MED12L: variants seen among roughly 807,000 people sequenced by gnomAD.
MED12L encodes the protein mediator of RNA polymerase II transcription subunit 12-like protein.
Under a neutral mutation model 281.3 loss-of-function variants are expected in MED12L, and 60 were observed. The ratio of observed to expected loss-of-function variants is 0.21; its 90% CI spans 0.17 to 0.26. The LOEUF (loss-of-function observed/expected upper bound fraction) is 0.26, where lower values mean the gene tolerates loss of function less well. MED12L is among the 10% of genes least tolerant of loss of function. The probability of loss-of-function intolerance (pLI) is 1.00; values close to 1 mark genes in which losing one functional copy is unlikely to be tolerated. For synonymous variants in MED12L, 974 were observed against 987.2 expected, an observed-to-expected ratio of 0.99 and a Z score of 0.25; for missense variants, 2,146 against 2,680.9, an observed-to-expected ratio of 0.80 and a Z score of 4.41.
chr3:151,141,570 T>C (rs139332999), intron 5 of MED12L, among the ~76,000 whole-genome samples: 45 of 152,254 alleles, frequency 3.0e-4, no homozygotes, highest in African/African-American at 1.0e-3. Context: ...ATATAGGAAA[T>C]AATGGATCGA....
At chr3:151,411,202 GCC>G in intron 40 of MED12L, 74 bp from the exon 41 acceptor site, 2 of 1,289,178 alleles carry the variant, frequency 1.6e-6, no homozygotes, top group South Asian at 2.5e-5. Flanking sequence ...GTTTGTTTTT[GCC>G]CCATATATCG....
chr3:151,241,148 T>C (rs1733993609), intron 16 of MED12L, among the ~76,000 whole-genome samples: 1 of 152,318 alleles, frequency 6.6e-6, no homozygotes, highest in East Asian at 1.9e-4. Flanking sequence ...ATGTAAAATA[T>C]CATTAGTGGT....
intron 42 of MED12L, 31 bp from the exon 43 acceptor site, chr3:151,416,276 CCTTTT>C (rs1409915801): frequency 2.5e-6 from 4 of 1,612,292 alleles, no homozygotes; most frequent in Non-Finnish European, 3.4e-6. Context: ...TTTTCTTCTT[CCTTTT>C]AAGTGTATAA....
chr3:151,369,028 TG>T, intron 25 of MED12L, among the ~76,000 whole-genome samples: 1 of 152,182 alleles, frequency 6.6e-6, no homozygotes. Context: ...CCCAAAGTGC[TG>T]GGATTACAGG....
intron 2 of MED12L, among the ~76,000 whole-genome samples, chr3:151,106,282 CT>C: frequency 1.5e-5 from 1 of 64,836 alleles, no homozygotes; most frequent in Non-Finnish European, 2.6e-5. Context: ...TTTCCCTTTC[CT>C]TTTCCTTTTC....
chr3:151,134,224 A>C (rs1176130904), intron 5 of MED12L, among the ~76,000 whole-genome samples: 1 of 148,384 alleles, frequency 6.7e-6, no homozygotes, highest in Non-Finnish European at 1.5e-5. Context: ...GAAAATGGTC[A>C]GTCCCTCACC....
At chr3:151,372,470 A>G (rs1756312249) in intron 26 of MED12L, 97 bp from the exon 27 acceptor site, 2 of 843,718 alleles carry the variant, frequency 2.4e-6, no homozygotes, top group Admixed American at 1.9e-5. Context: ...TACTGTTCAT[A>G]TATTTTAAAT....
At chr3:151,312,942 ACTTGAG>A (rs1208061011) in intron 16 of MED12L, among the ~76,000 whole-genome samples, 1 of 152,218 alleles carries the variant, frequency 6.6e-6, no homozygotes, top group Non-Finnish European at 1.5e-5. Context: ...TTGACATGCT[ACTTGAG>A]TGGGTAGTAA....
intron 21 of MED12L, among the ~76,000 whole-genome samples, chr3:151,361,703 G>A (rs1455810253): frequency 2.6e-5 from 4 of 152,120 alleles, no homozygotes; most frequent in Non-Finnish European, 4.4e-5. Context: ...TACTGTAAGT[G>A]TGAGAGACAA....
intron 25 of MED12L, among the ~76,000 whole-genome samples, chr3:151,368,761 T>TTTCATGTCATTTCA (rs1755798182): frequency 3.9e-5 from 5 of 126,862 alleles, no homozygotes; most frequent in Non-Finnish European, 8.3e-5. Context: ...TGTCATTTCA[T>TTTCATGTCATTTCA]TTTTTTTTTT....
chr3:151,293,975 G>T (rs2149686916), intron 16 of MED12L: 1 of 465,712 alleles, frequency 2.1e-6, no homozygotes, highest in Non-Finnish European at 3.8e-6. Flanking sequence ...CATTAACCCT[G>T]CCATTCACCC....
intron 16 of MED12L, among the ~76,000 whole-genome samples, chr3:151,334,865 A>G (rs1172390656): frequency 6.6e-6 from 1 of 152,196 alleles, no homozygotes; most frequent in Non-Finnish European, 1.5e-5. Context: ...CATGCAGTCT[A>G]CATCACAGCA....
chr3:151,256,069 G>A (rs1453863779), intron 16 of MED12L, among the ~76,000 whole-genome samples: 2 of 152,190 alleles, frequency 1.3e-5, no homozygotes, highest in Admixed American at 1.3e-4. Flanking sequence ...ACATATGCTA[G>A]ATAGAAATAC....
rs558418143 is a variant in MED12L at position 151,352,642 on chromosome 3, A to G, written c.2398+2436A>G. ...ATGAAAATAATATTTTGAGGAACCA[A>G]CTCATTTAGGAGTGTTGTCAGATCA... On this transcript the variant is annotated intron_variant, in intron 17 of 44. Transcript: ENST00000687756. Among the ~76,000 whole-genome samples the G allele has an allele frequency of 3.0e-4, 21 of 70,100 alleles. No individual in the cohort carries two copies. The East Asian group carries it at 0.013, about 45-fold the overall frequency. The allele number at this position is 70,100 out of a possible 152,430, so 46.0% of individuals were successfully genotyped here.
Position 151,185,464 on chromosome 3 carries a change from A to G in MED12L, c.1626+3A>G. 4 of 1,613,692 alleles carry G rather than the reference A, an allele frequency of 2.5e-6. No homozygotes were observed. Among genetic ancestry groups the G allele is most frequent in the Non-Finnish European group, 3.4e-6 (4 of 1,179,828 alleles). The stretch of plus-strand genomic sequence containing the variant: ...GGCAAGCAGAAATTGAGGCAGAGGT[A>G]GGTTCCATTTTCTTTCTGCTTGTTG... On this transcript the variant is annotated splice_donor_region_variant and intron_variant, in intron 12 of 44. Coordinates refer to ENST00000687756, the MANE Select transcript of MED12L (RefSeq NM_001393769.1).
chr3:151,254,567 CTTAT>C (rs957042852), intron 16 of MED12L, among the ~76,000 whole-genome samples: 48 of 152,108 alleles, frequency 3.2e-4, no homozygotes, highest in African/African-American at 1.1e-3. Context: ...TGAACCAAAC[CTTAT>C]TTAATCTAGT....
At chr3:151,257,750 G>T (rs975676466) in intron 16 of MED12L, among the ~76,000 whole-genome samples, 1 of 152,128 alleles carries the variant, frequency 6.6e-6, no homozygotes, top group African/African-American at 2.4e-5. Flanking sequence ...TGGTATTTAT[G>T]GAGCTATATC....
chr3:151,167,864 G>A (rs1419817219), intron 11 of MED12L, among the ~76,000 whole-genome samples: 2 of 152,176 alleles, frequency 1.3e-5, no homozygotes. Flanking sequence ...TATCTGGAAG[G>A]AAAGTAGGGA....
chr3:151,196,099 T>C (rs1033255085), intron 16 of MED12L, among the ~76,000 whole-genome samples: 3 of 152,242 alleles, frequency 2.0e-5, no homozygotes, highest in Non-Finnish European at 2.9e-5. Context: ...ACCTTGGTTT[T>C]ACAGCCTTTC....
Sources: gnomAD v4.1 joint callset for allele counts (sites outside exome capture counted in the v4.1 genomes callset) on GRCh38, gnomAD v4.1.1 for gene constraint, MANE v1.5 for transcripts, NCBI Gene and HGNC (gene_info 2026-07-23, HGNC 2026-07-21) for gene names.